NUAK1: variants seen among roughly 807,000 people sequenced by gnomAD.
The protein encoded by NUAK1 is NUAK family SNF1-like kinase 1.
A neutral mutation model predicts 56.9 loss-of-function variants in NUAK1; 26 were observed. That is an observed-to-expected ratio of 0.46 (90% CI 0.33 to 0.63). NUAK1 has a LOEUF of 0.63. NUAK1 is among the 30% of genes least tolerant of loss of function. NUAK1 has a pLI of 0.02. For synonymous variants in NUAK1, 337 were observed against 336.0 expected, an observed-to-expected ratio of 1.00 and a Z score of -0.03; for missense variants, 727 against 876.1, an observed-to-expected ratio of 0.83 and a Z score of 2.15.
At chr12:106,110,223 T>C (rs1592858360) in intron 1 of NUAK1, among the ~76,000 whole-genome samples, 1 of 152,278 alleles carries the variant, frequency 6.6e-6, no homozygotes, top group African/African-American at 2.4e-5. Context: ...AGGGCACAAA[T>C]ATGTTCCTAC....
intron 1 of NUAK1, among the ~76,000 whole-genome samples, chr12:106,108,496 C>G (rs1479971825): frequency 6.9e-6 from 1 of 145,520 alleles, no homozygotes; most frequent in Admixed American, 7.0e-5. Flanking sequence ...GCAAGAAAAA[C>G]TTCCCTTCAC....
At chr12:106,082,002 A>G (rs2032522549) in intron 4 of NUAK1, among the ~76,000 whole-genome samples, 1 of 152,226 alleles carries the variant, frequency 6.6e-6, no homozygotes, top group African/African-American at 2.4e-5. Context: ...AGGCACCTTC[A>G]GAGCAGCTGA....
intron 2 of NUAK1, among the ~76,000 whole-genome samples, chr12:106,091,156 A>G (rs543573746): frequency 6.6e-6 from 1 of 152,318 alleles, no homozygotes; most frequent in East Asian, 1.9e-4. Flanking sequence ...TGTTTATGTT[A>G]TTAGTCACTA....
chr12:106,066,677 T>G lies in NUAK1; in HGVS notation c.*125A>C. ...GCTCAAGGCTGCAAACTTGGCCAAGTGAGACAGTGCCAATCCTTTTTCAGT... is the reference window on the plus strand; with the variant it reads ...GCTCAAGGCTGCAAACTTGGCCAAGGGAGACAGTGCCAATCCTTTTTCAGT... On this transcript the variant is annotated 3_prime_UTR_variant, in exon 7 of 7. Transcript: ENST00000261402. 6 of 852,220 alleles carry G rather than the reference T, an allele frequency of 7.0e-6. No individual in the cohort carries two copies. Among genetic ancestry groups the G allele is most frequent in the Non-Finnish European group, 9.2e-6 (5 of 541,916 alleles). The allele number at this position is 852,220 out of a possible 1,614,324, so 52.8% of individuals were successfully genotyped here.
Position 106,138,583 on chromosome 12 carries a change from C to A in NUAK1, c.71G>T (p.Arg24Leu). Residue 24 changes from arginine to leucine, a missense_variant, in exon 1 of 7, where the codon CGA becomes CTA. Arg to Leu is a moderately radical substitution (Grantham distance 102). Coordinates refer to ENST00000261402, the MANE Select transcript of NUAK1 (RefSeq NM_014840.3). This position sits in a 1 kb window ranked among gnomAD's most constrained non-coding sequence, Gnocchi z 5.0. ...TGCAGTCGCCCCCGCCACCGCCTCT[C>A]GGGGAGAGCCCGGCGCCCCCAGCCC... is the stretch of plus-strand genomic sequence containing the variant. ...DLGLGAPGSP[R>L]EAVAGATAAL... is the part of the protein sequence containing the mutation. The A allele has an allele frequency of 1.3e-6, 2 of 1,595,420 alleles. No individual in the cohort carries two copies. The highest frequency in any genetic ancestry group is 2.2e-5 in the South Asian group (2 of 89,472).
At chr12:106,127,168 T>C (rs1592863598) in intron 1 of NUAK1, among the ~76,000 whole-genome samples, 1 of 152,146 alleles carries the variant, frequency 6.6e-6, no homozygotes, top group South Asian at 2.1e-4. Flanking sequence ...ATTTTCTTTT[T>C]ATTTTCTTTT....
At chr12:106,078,544 G>C (rs935478048) in intron 4 of NUAK1, among the ~76,000 whole-genome samples, 3 of 152,174 alleles carry the variant, frequency 2.0e-5, no homozygotes, top group Non-Finnish European at 4.4e-5. Context: ...CATCCAGGAA[G>C]GTACACTCCA....
chr12:106,085,008 C>A (rs78976877), intron 3 of NUAK1, among the ~76,000 whole-genome samples: 3,359 of 152,306 alleles, frequency 0.022, 121 homozygotes, highest in African/African-American at 0.078. Flanking sequence ...GAAATGAAAA[C>A]ATGTATTTCT....
rs1054911691 is a variant in NUAK1 at position 106,138,137 on chromosome 12, T to C, written c.240+277A>G. ...CAACGCTGCAAAGTGTTTGCAAATC[T>C]AAAACATTCCTTTGCTGCTAGGATT... is the stretch of plus-strand genomic sequence containing the variant. On this transcript the variant is annotated intron_variant, in intron 1 of 6. Transcript: ENST00000261402. This position sits in a 1 kb window ranked among gnomAD's most constrained non-coding sequence, Gnocchi z 5.0. Among the ~76,000 whole-genome samples the C allele has an allele frequency of 6.6e-6, 1 of 152,186 alleles. No individual in the cohort carries two copies. Among genetic ancestry groups the C allele is most frequent in the Non-Finnish European group, 1.5e-5 (1 of 68,026 alleles).
intron 2 of NUAK1, chr12:106,103,987 T>C (rs1365906475): frequency 6.6e-6 from 1 of 152,178 alleles, no homozygotes; most frequent in Non-Finnish European, 1.5e-5. Flanking sequence ...AAATTACCAC[T>C]CTTGGGCAGT....
chr12:106,067,275 T>G lies in NUAK1; in HGVS notation c.1513A>C (p.Ser505Arg), dbSNP rs1210386962. ...DVMGSSIPSP[S>R]PPDPARVTSH... ...GTTACCCTGGCTGGGTCCGGGGGGC[T>G]GGGGGAGGGGATGCTGCTGCCCATC... The change falls in exon 7 of 7, where the codon AGC becomes CGC. Residue 505 changes from serine to arginine, a missense_variant. Coordinates refer to ENST00000261402, the MANE Select transcript of NUAK1 (RefSeq NM_014840.3). The surrounding 1 kb of genome is among the most constrained non-coding windows in gnomAD (Gnocchi z 6.0). 1 of 1,613,850 alleles carries G rather than the reference T, an allele frequency of 6.2e-7. No homozygotes were observed. The highest frequency in any genetic ancestry group is 1.3e-5 in the African/African-American group (1 of 74,850).
At chr12:106,117,494 C>T (rs551627979) in intron 1 of NUAK1, among the ~76,000 whole-genome samples, 6 of 152,340 alleles carry the variant, frequency 3.9e-5, no homozygotes, top group South Asian at 2.1e-4. Flanking sequence ...TCTCACACTG[C>T]GTGCCTTACA....
chr12:106,117,527 T>C (rs965010471), intron 1 of NUAK1, among the ~76,000 whole-genome samples: 5 of 152,218 alleles, frequency 3.3e-5, no homozygotes, highest in Middle Eastern at 3.2e-3. Context: ...CTCCATAAAA[T>C]GGGCCTACTT....
At chr12:106,095,617 C>T (rs115695995) in intron 2 of NUAK1, among the ~76,000 whole-genome samples, 4,770 of 152,254 alleles carry the variant, frequency 0.031, 89 homozygotes, top group African/African-American at 0.04. Context: ...TTAGCTGTTC[C>T]GATTCAGCAG....
rs371292683 is a variant in NUAK1, at chr12:106,063,840, C to T, written c.*2962G>A. ...CAAGACAGCAGGCCTGGGCAAAACT[C>T]GCCTGAATTTCACCCTGAAAAGTGC... is the stretch of plus-strand genomic sequence containing the variant. On this transcript the variant is annotated 3_prime_UTR_variant, in exon 7 of 7. Transcript: ENST00000261402. The T allele has an allele frequency of 2.0e-5, 3 of 152,640 alleles. No individual in the cohort carries two copies. The highest frequency in any genetic ancestry group is 1.9e-4 in the East Asian group (1 of 5,162). The allele number at this position is 152,640 out of a possible 1,614,324, so 9.5% of individuals were successfully genotyped here.
intron 2 of NUAK1, among the ~76,000 whole-genome samples, chr12:106,087,569 G>C (rs7967378): frequency 0.36 from 54,850 of 152,086 alleles, 12,109 homozygotes; most frequent in African/African-American, 0.62. Flanking sequence ...TTTATTAAAT[G>C]AGTAAACTCA....
chr12:106,105,769 T>C (rs1047073121), intron 2 of NUAK1: 4 of 152,214 alleles, frequency 2.6e-5, no homozygotes, highest in African/African-American at 9.6e-5. Flanking sequence ...ATTTACAGGG[T>C]CTTAAAACAT....
At chr12:106,112,595 G>T (rs2032872874) in intron 1 of NUAK1, among the ~76,000 whole-genome samples, 1 of 152,160 alleles carries the variant, frequency 6.6e-6, no homozygotes, top group Non-Finnish European at 1.5e-5. Flanking sequence ...GGCCAACTCA[G>T]AACAACACCC....
chr12:106,101,229 G>A (rs900675654), intron 2 of NUAK1, among the ~76,000 whole-genome samples: 12 of 152,208 alleles, frequency 7.9e-5, no homozygotes, highest in African/African-American at 1.9e-4. Flanking sequence ...GCCAGCAAGA[G>A]AAGACACAGG....
Sources: gnomAD v4.1 joint callset for allele counts (sites outside exome capture counted in the v4.1 genomes callset) on GRCh38, gnomAD v4.1.1 for gene constraint, Gnocchi (gnomAD v3.1) non-coding constraint, MANE v1.5 for transcripts, NCBI Gene and HGNC (gene_info 2026-07-23, HGNC 2026-07-21) for gene names.